RAB28: variants seen among roughly 807,000 people sequenced by gnomAD.
RAB28 encodes ras-related protein Rab-28.
A neutral mutation model predicts 31.7 loss-of-function variants in RAB28; 24 were observed. That is an observed-to-expected ratio of 0.76 (90% CI 0.55 to 1.06). RAB28 has a LOEUF of 1.06. Ranked by LOEUF, RAB28 falls within the 50% of genes least tolerant of loss-of-function variation. The pLI is 0.00. For missense variants in RAB28, 254 were observed against 258.5 expected (o/e 0.98, Z 0.12); for synonymous variants, 100 against 90.4 (o/e 1.11, Z -0.60).
chr4:13,470,307 A>G (rs1255154356), intron 3 of RAB28, among the ~76,000 whole-genome samples: 1 of 152,112 alleles, frequency 6.6e-6, no homozygotes, highest in Non-Finnish European at 1.5e-5. Context: ...CACTAACACA[A>G]AGAAAGTCTA....
At chr4:13,421,060 C>G (rs1713107546) in intron 4 of RAB28, among the ~76,000 whole-genome samples, 1 of 152,210 alleles carries the variant, frequency 6.6e-6, no homozygotes, top group South Asian at 2.1e-4. Context: ...AGCAAAGTCT[C>G]AGGACACAAA....
At chr4:13,381,271 T>A (rs1254472236) in intron 5 of RAB28, among the ~76,000 whole-genome samples, 2 of 152,122 alleles carry the variant, frequency 1.3e-5, no homozygotes, top group Non-Finnish European at 1.5e-5. Flanking sequence ...ACGGGTGGTT[T>A]ATATTCATTT....
chr4:13,481,776 T>C (rs1716618094), intron 1 of RAB28, among the ~76,000 whole-genome samples: 1 of 152,082 alleles, frequency 6.6e-6, no homozygotes, highest in Non-Finnish European at 1.5e-5. Context: ...AATACTCTAT[T>C]GCATCTGTCA....
intron 4 of RAB28, among the ~76,000 whole-genome samples, chr4:13,426,605 A>G (rs1172858077): frequency 6.6e-6 from 1 of 152,146 alleles, no homozygotes; most frequent in Non-Finnish European, 1.5e-5. Context: ...TTATGGCTAT[A>G]CCTTGAAAAC....
rs9999851 is a variant in RAB28, at chr4:13,371,959, C to T, written c.574-3309G>A. ...AAGTGTATACTGGAAATGGAAGTGGCAGCCATGGAGGGCATAAGCAAGAAA... is the reference window on the plus strand; with the variant it reads ...AAGTGTATACTGGAAATGGAAGTGGTAGCCATGGAGGGCATAAGCAAGAAA... On this transcript the variant is annotated intron_variant, in intron 6 of 6. Transcript: ENST00000330852. The T allele has an allele frequency of 0.023, 29,595 of 1,272,036 alleles. 529 individuals are homozygous for T. Among genetic ancestry groups the T allele is most frequent in the African/African-American group, 0.085 (5,671 of 66,924 alleles). 78.8% of individuals were successfully genotyped at this position (1,272,036 alleles called of 1,614,324 possible).
At chr4:13,449,805 T>C (rs923042270) in intron 4 of RAB28, among the ~76,000 whole-genome samples, 1 of 151,876 alleles carries the variant, frequency 6.6e-6, no homozygotes, top group African/African-American at 2.4e-5. Context: ...AAGTTACCGA[T>C]AACCACCACC....
At chr4:13,392,764 AATG>A (rs1242585489) in intron 4 of RAB28, among the ~76,000 whole-genome samples, 1 of 152,230 alleles carries the variant, frequency 6.6e-6, no homozygotes, top group Non-Finnish European at 1.5e-5. Flanking sequence ...ACCACAAAAA[AATG>A]ATAAGTATGT....
intron 4 of RAB28, among the ~76,000 whole-genome samples, chr4:13,432,612 G>C (rs1026939015): frequency 2.0e-5 from 3 of 152,082 alleles, no homozygotes; most frequent in African/African-American, 7.2e-5. Flanking sequence ...AATCTTTCAA[G>C]CAAAAAGAGA....
At chr4:13,448,269 A>G (rs1407435505) in intron 4 of RAB28, among the ~76,000 whole-genome samples, 1 of 152,136 alleles carries the variant, frequency 6.6e-6, no homozygotes, top group Non-Finnish European at 1.5e-5. Flanking sequence ...TTTATTTGAT[A>G]CTAACATTTA....
Position 13,376,535 on chromosome 4 carries a change from A to T in RAB28, c.573+10T>A, listed in dbSNP as rs781290282. On this transcript the variant is annotated intron_variant, in intron 6 of 6. Coordinates refer to ENST00000330852, the MANE Select transcript of RAB28 (RefSeq NM_001017979.3). ...ATTAATTTTTTAAATATAAAGTTCA[A>T]GGTAATCACCTGTGACTGTTCTATT... 1 of 1,571,056 alleles carries T rather than the reference A, an allele frequency of 6.4e-7. No homozygotes were observed. Among genetic ancestry groups the T allele is most frequent in the Admixed American group, 1.9e-5 (1 of 51,718 alleles).
chr4:13,446,956 AAC>A (rs1560135408), intron 4 of RAB28, among the ~76,000 whole-genome samples: 2 of 152,118 alleles, frequency 1.3e-5, no homozygotes, highest in African/African-American at 4.8e-5. Flanking sequence ...TATTCCTCTT[AAC>A]AGTTTTACTC....
intron 2 of RAB28, among the ~76,000 whole-genome samples, chr4:13,478,430 G>A (rs1299666827): frequency 6.6e-6 from 1 of 151,478 alleles, no homozygotes; most frequent in African/African-American, 2.4e-5. Context: ...AAGGAGATAA[G>A]AAGAATACCT....
chr4:13,470,178 C>T (rs982966711), intron 3 of RAB28, among the ~76,000 whole-genome samples: 19 of 152,032 alleles, frequency 1.2e-4, no homozygotes, highest in Admixed American at 1.1e-3. Flanking sequence ...CTCTCTAATA[C>T]GCAAGACAAA....
chr4:13,401,803 TTTTC>T (rs1368942439), intron 4 of RAB28, among the ~76,000 whole-genome samples: 3 of 152,318 alleles, frequency 2.0e-5, no homozygotes, highest in East Asian at 3.9e-4. Flanking sequence ...ACCTTTACTT[TTTTC>T]TTTTTCTGCT....
chr4:13,401,533 A>T (rs182278081), intron 4 of RAB28, among the ~76,000 whole-genome samples: 2,555 of 152,282 alleles, frequency 0.017, 68 homozygotes, highest in African/African-American at 0.058. Flanking sequence ...AATAATTTTA[A>T]AAAAAATTGT....
chr4:13,431,026 C>G (rs1436272630), intron 4 of RAB28, among the ~76,000 whole-genome samples: 1 of 152,162 alleles, frequency 6.6e-6, no homozygotes, highest in Non-Finnish European at 1.5e-5. Context: ...AGTGGGCATG[C>G]CTCAAAGAAA....
intron 1 of RAB28, among the ~76,000 whole-genome samples, chr4:13,481,360 C>T (rs769265447): frequency 2.0e-5 from 3 of 152,020 alleles, no homozygotes; most frequent in Non-Finnish European, 4.4e-5. Context: ...AGAGAATCAA[C>T]TGAATCAGTG....
intron 6 of RAB28, chr4:13,370,891 G>T (rs1728688795): frequency 1.0e-6 from 1 of 957,974 alleles, no homozygotes; most frequent in Non-Finnish European, 1.2e-6. Context: ...CTTAATTGCT[G>T]CTACCCTTAG....
intron 4 of RAB28, among the ~76,000 whole-genome samples, chr4:13,423,262 G>A (rs185784303): frequency 2.8e-3 from 432 of 152,200 alleles, no homozygotes; most frequent in Non-Finnish European, 3.8e-3. Context: ...GAGGCCAGGC[G>A]CAGTGGCTCA....
Sources: gnomAD v4.1 joint callset for allele counts (sites outside exome capture counted in the v4.1 genomes callset) on GRCh38, gnomAD v4.1.1 for gene constraint, MANE v1.5 for transcripts, NCBI Gene and HGNC (gene_info 2026-07-23, HGNC 2026-07-21) for gene names.